Variants in CNTNAP2 observed in about 807,000 individuals in gnomAD.
The protein encoded by CNTNAP2 is contactin associated protein 2.
Under a neutral mutation model 155.2 loss-of-function variants are expected in CNTNAP2, and 98 were observed. The observed-to-expected ratio is 0.63, with a 90% CI of 0.54 to 0.75. The LOEUF is 0.75. Ranked by LOEUF, CNTNAP2 falls within the 30% of genes least tolerant of loss-of-function variation. The pLI is 0.00. For synonymous variants in CNTNAP2, 651 were observed against 631.2 expected, an observed-to-expected ratio of 1.03 and a Z score of -0.47; for missense variants, 1,727 against 1,688.1, an observed-to-expected ratio of 1.02 and a Z score of -0.40.
At chr7:146,207,674 A>G (rs1798969335) in intron 1 of CNTNAP2, among the ~76,000 whole-genome samples, 1 of 149,274 alleles carries the variant, frequency 6.7e-6, no homozygotes, top group Non-Finnish European at 1.5e-5. Context: ...CATTCATGAA[A>G]CAAACATTTT....
chr7:147,278,127 CAAAAA>C (rs58102021), intron 8 of CNTNAP2, among the ~76,000 whole-genome samples: 5,089 of 138,546 alleles, frequency 0.037, 118 homozygotes, highest in South Asian at 0.055. Context: ...GGAAACCATG[CAAAAA>C]AAAAAAAAAA....
intron 19 of CNTNAP2, among the ~76,000 whole-genome samples, chr7:148,228,332 G>GT (rs970690682): frequency 6.6e-5 from 10 of 152,102 alleles, no homozygotes; most frequent in African/African-American, 2.4e-4. Context: ...TTTCAATATT[G>GT]TTTTTTATTG....
At chr7:147,748,639 G>T (rs375401844) in intron 13 of CNTNAP2, among the ~76,000 whole-genome samples, 76 of 152,238 alleles carry the variant, frequency 5.0e-4, no homozygotes, top group African/African-American at 1.6e-3. Context: ...TTGTCTTTAT[G>T]CTACATTCTT....
At chr7:148,067,785 G>A (rs929085105) in intron 15 of CNTNAP2, among the ~76,000 whole-genome samples, 1 of 152,228 alleles carries the variant, frequency 6.6e-6, no homozygotes, top group Non-Finnish European at 1.5e-5. Flanking sequence ...CCAGGATTAG[G>A]CGTGTCTGAG....
intron 1 of CNTNAP2, among the ~76,000 whole-genome samples, chr7:146,185,761 CTTTT>C (rs1554400924): frequency 3.2e-5 from 3 of 94,886 alleles, no homozygotes; most frequent in Admixed American, 9.5e-5. Context: ...TTTTATTATT[CTTTT>C]TTTTTTTTTT....
intron 15 of CNTNAP2, among the ~76,000 whole-genome samples, chr7:148,032,353 C>G (rs1802493522): frequency 6.6e-6 from 1 of 152,134 alleles, no homozygotes. Flanking sequence ...TCTGGGCTCT[C>G]CCTGAAGCTT....
intron 15 of CNTNAP2, among the ~76,000 whole-genome samples, chr7:147,994,990 G>A (rs1469910329): frequency 3.3e-5 from 5 of 152,206 alleles, no homozygotes; most frequent in Non-Finnish European, 7.3e-5. Context: ...ACGTGCATGA[G>A]ATGAAGTCCA....
At chr7:148,196,288 T>C (rs1795276283) in intron 18 of CNTNAP2, among the ~76,000 whole-genome samples, 1 of 152,254 alleles carries the variant, frequency 6.6e-6, no homozygotes. Context: ...GCAGTTTGAA[T>C]AGCTTGTCTT....
intron 6 of CNTNAP2, among the ~76,000 whole-genome samples, chr7:147,124,476 C>T (rs1323468912): frequency 6.6e-6 from 1 of 152,116 alleles, no homozygotes; most frequent in African/African-American, 2.4e-5. Context: ...GAATTTCCCA[C>T]CATGGTTGAT....
chr7:147,940,270 C>A (rs1165567447), intron 14 of CNTNAP2: 1 of 131,412 alleles, frequency 7.6e-6, no homozygotes, highest in Non-Finnish European at 1.6e-5. Context: ...CACTGCACTC[C>A]AGTCTGGATA....
chr7:146,627,954 G>A (rs1379911225), intron 1 of CNTNAP2, among the ~76,000 whole-genome samples: 2 of 152,062 alleles, frequency 1.3e-5, no homozygotes, highest in East Asian at 1.9e-4. Flanking sequence ...GGTACATTAT[G>A]TATATACAAA....
intron 1 of CNTNAP2, among the ~76,000 whole-genome samples, chr7:146,549,047 A>C (rs1369054508): frequency 6.7e-6 from 1 of 150,150 alleles, no homozygotes; most frequent in Non-Finnish European, 1.5e-5. Context: ...GTAGTATAAG[A>C]GTCCAATTTC....
At chr7:146,277,074 G>A (rs889260216) in intron 1 of CNTNAP2, among the ~76,000 whole-genome samples, 13 of 152,136 alleles carry the variant, frequency 8.5e-5, no homozygotes, top group Non-Finnish European at 1.3e-4. Context: ...CAGAAAGGTA[G>A]AGGACACACA....
chr7:148,410,443 T>C (rs1365336383), intron 23 of CNTNAP2, among the ~76,000 whole-genome samples: 1 of 151,950 alleles, frequency 6.6e-6, no homozygotes, highest in Non-Finnish European at 1.5e-5. Context: ...GGCGCATTCC[T>C]GTAATCCCAG....
chr7:147,369,746 A>G (rs915358148), intron 9 of CNTNAP2, among the ~76,000 whole-genome samples: 2 of 152,226 alleles, frequency 1.3e-5, no homozygotes, highest in African/African-American at 4.8e-5. Flanking sequence ...TAGTTTGCCC[A>G]TGCCTGATTG....
chr7:147,756,467 T>C (rs1797214867), intron 13 of CNTNAP2, among the ~76,000 whole-genome samples: 1 of 152,216 alleles, frequency 6.6e-6, no homozygotes, highest in Non-Finnish European at 1.5e-5. Context: ...GAAAGTCACT[T>C]GTCACTGTGC....
At chr7:147,977,833 T>C in intron 14 of CNTNAP2, 29 bp from the exon 15 acceptor site, 1 of 1,613,866 alleles carries the variant, frequency 6.2e-7, no homozygotes, top group Non-Finnish European at 8.5e-7. Flanking sequence ...AGCCTCCTCA[T>C]TCTTTTTCTG....
intron 1 of CNTNAP2, among the ~76,000 whole-genome samples, chr7:146,365,192 G>A (rs553732938): frequency 3.3e-5 from 5 of 152,208 alleles, no homozygotes; most frequent in Non-Finnish European, 7.4e-5. Flanking sequence ...GCCATTGTGT[G>A]TTATCATAAT....
chr7:148,188,724 C>T (rs1795159557), intron 18 of CNTNAP2, among the ~76,000 whole-genome samples: 1 of 152,172 alleles, frequency 6.6e-6, no homozygotes, highest in African/African-American at 2.4e-5. Context: ...TTCTGAGTTC[C>T]TAAAATCAAT....
Sources: gnomAD v4.1 joint callset for allele counts (sites outside exome capture counted in the v4.1 genomes callset) on GRCh38, gnomAD v4.1.1 for gene constraint, MANE v1.5 for transcripts, NCBI Gene and HGNC (gene_info 2026-07-23, HGNC 2026-07-21) for gene names.